Variants in CDH4 observed in about 807,000 individuals in gnomAD.
CDH4 encodes cadherin 4.
In CDH4, 33 loss-of-function variants were observed where a neutral mutation model predicts 86.0. The observed-to-expected ratio is 0.38, with a 90% CI of 0.29 to 0.51. The LOEUF is 0.51. CDH4 is among the 20% of genes least tolerant of loss of function. The probability of loss-of-function intolerance (pLI) is 0.86; values close to 1 mark genes in which losing one functional copy is unlikely to be tolerated. For synonymous variants in CDH4, 555 were observed against 549.4 expected, an observed-to-expected ratio of 1.01 and a Z score of -0.14; for missense variants, 1,114 against 1,307.4, an observed-to-expected ratio of 0.85 and a Z score of 2.28.
chr20:61,936,989 C>A lies in CDH4; in HGVS notation c.*46C>A. On this transcript the variant is annotated 3_prime_UTR_variant, in exon 16 of 16. Transcript: ENST00000614565. ...CGAAGTGAGAGCCGTGCTCGGACGC[C>A]GGAGGAGCAGGACTGAGCAGAGGCG... 1 of 1,508,780 alleles carries A rather than the reference C, an allele frequency of 6.6e-7. No homozygotes were observed. 93.5% of individuals were successfully genotyped at this position (1,508,780 alleles called of 1,614,324 possible).
At chr20:61,512,282 T>C (rs546230586) in intron 2 of CDH4, among the ~76,000 whole-genome samples, 2 of 151,872 alleles carry the variant, frequency 1.3e-5, no homozygotes, top group African/African-American at 4.8e-5. Context: ...GTGATTGGAG[T>C]GTGTATGTGA....
intron 2 of CDH4, among the ~76,000 whole-genome samples, chr20:61,411,588 G>A (rs2085119991): frequency 6.6e-6 from 1 of 152,002 alleles, no homozygotes; most frequent in African/African-American, 2.4e-5. Context: ...GATGCCACCA[G>A]CAGCAACATT....
intron 2 of CDH4, among the ~76,000 whole-genome samples, chr20:61,413,739 ACAGT>A (rs2085132734): frequency 6.6e-6 from 1 of 152,146 alleles, no homozygotes; most frequent in African/African-American, 2.4e-5. Context: ...GTTCTCAAGG[ACAGT>A]CACTTACAAA....
chr20:61,924,608 G>T, intron 11 of CDH4, 132 bp downstream of exon 11: 1 of 961,112 alleles, frequency 1.0e-6, no homozygotes, highest in Non-Finnish European at 1.5e-6. Context: ...CAGAGGGGCT[G>T]AGGGGGCATC....
chr20:61,774,037 C>A (rs1239346867), intron 4 of CDH4, among the ~76,000 whole-genome samples: 2 of 152,146 alleles, frequency 1.3e-5, no homozygotes, highest in East Asian at 1.9e-4. Context: ...CAGGGAGCAG[C>A]CAAAATGACC....
chr20:61,254,068 C>T (rs2084083040), intron 1 of CDH4, among the ~76,000 whole-genome samples: 2 of 152,224 alleles, frequency 1.3e-5, no homozygotes, highest in South Asian at 4.1e-4. Flanking sequence ...TGGCCCTGTG[C>T]CATGGGCTCT....
chr20:61,535,130 A>G (rs2085987006), intron 2 of CDH4, among the ~76,000 whole-genome samples: 1 of 152,214 alleles, frequency 6.6e-6, no homozygotes, highest in Non-Finnish European at 1.5e-5. Flanking sequence ...AGCCCTCACC[A>G]TAGTTGATCT....
intron 2 of CDH4, among the ~76,000 whole-genome samples, chr20:61,448,326 GAC>G (rs2085363287): frequency 6.6e-6 from 1 of 152,204 alleles, no homozygotes; most frequent in Non-Finnish European, 1.5e-5. Flanking sequence ...CACTCTTCCA[GAC>G]CGGAAAGGTA....
chr20:61,661,089 G>GA lies in CDH4; in HGVS notation c.170-82474_170-82473insA, dbSNP rs547673753. On this transcript the variant is annotated intron_variant, in intron 2 of 15. Transcript: ENST00000614565. ...GGCATGGACAGGAGGCATGGCGGGG[G>GA]GGGGGGAGACACAGTGCCAGGCTCA... Among the ~76,000 whole-genome samples, 2 of 140,450 alleles carry GA rather than the reference G, an allele frequency of 1.4e-5. 1 individual carries two copies. Among genetic ancestry groups the GA allele is most frequent in the South Asian group, 4.5e-4 (2 of 4,482 alleles). 92.1% of individuals were successfully genotyped at this position (140,450 alleles called of 152,430 possible).
chr20:61,653,901 T>C (rs1158392641), intron 2 of CDH4, among the ~76,000 whole-genome samples: 3 of 111,290 alleles, frequency 2.7e-5, no homozygotes, highest in Admixed American at 1.8e-4. Flanking sequence ...ACTTCCTAGA[T>C]GGGATGGCGG....
intron 2 of CDH4, among the ~76,000 whole-genome samples, chr20:61,453,567 C>T (rs187191956): frequency 2.0e-5 from 3 of 152,208 alleles, no homozygotes; most frequent in African/African-American, 4.8e-5. Context: ...GTCCAGGGTG[C>T]GCTCAACCCA....
intron 3 of CDH4, among the ~76,000 whole-genome samples, chr20:61,744,660 C>T (rs151008832): frequency 8.5e-5 from 13 of 152,186 alleles, no homozygotes; most frequent in East Asian, 1.9e-4. Context: ...AGCTGCCCTC[C>T]GACTCTGCCT....
intron 2 of CDH4, among the ~76,000 whole-genome samples, chr20:61,486,122 A>G (rs1291917526): frequency 1.3e-5 from 2 of 152,254 alleles, no homozygotes; most frequent in Non-Finnish European, 2.9e-5. Flanking sequence ...AAAAATTCAT[A>G]AAACACACAA....
chr20:61,901,136 AG>A (rs1985378803), intron 8 of CDH4, among the ~76,000 whole-genome samples: 1 of 144,526 alleles, frequency 6.9e-6, no homozygotes. Context: ...AAGCCCAAAA[AG>A]GGGTTTCAGG....
At chr20:61,565,289 A>C (rs147299184) in intron 2 of CDH4, among the ~76,000 whole-genome samples, 2 of 18,608 alleles carry the variant, frequency 1.1e-4, no homozygotes, top group Non-Finnish European at 1.9e-4. Flanking sequence ...TGATGGGGTG[A>C]TGGTGGTGGC....
At chr20:61,379,454 T>C (rs1403221279) in intron 2 of CDH4, among the ~76,000 whole-genome samples, 1 of 152,170 alleles carries the variant, frequency 6.6e-6, no homozygotes, top group African/African-American at 2.4e-5. Context: ...TTCACAGTTA[T>C]TGAAGTTAAT....
intron 2 of CDH4, among the ~76,000 whole-genome samples, chr20:61,479,910 T>G (rs2085559796): frequency 6.6e-6 from 1 of 152,248 alleles, no homozygotes; most frequent in South Asian, 2.1e-4. Context: ...TCCGGCTGTT[T>G]CATTTTAGAT....
chr20:61,927,950 C>G (rs115643672), intron 11 of CDH4, among the ~76,000 whole-genome samples: 3,632 of 152,238 alleles, frequency 0.024, 112 homozygotes, highest in African/African-American at 0.078. Context: ...AGGTGCCGTA[C>G]GCAGTGGTGT....
chr20:61,669,591 A>G (rs1311649469), intron 2 of CDH4, among the ~76,000 whole-genome samples: 1 of 152,202 alleles, frequency 6.6e-6, no homozygotes, highest in Non-Finnish European at 1.5e-5. Context: ...GGGTGGCTCA[A>G]ATCCCATCAG....
Sources: gnomAD v4.1 joint callset for allele counts (sites outside exome capture counted in the v4.1 genomes callset) on GRCh38, gnomAD v4.1.1 for gene constraint, MANE v1.5 for transcripts, NCBI Gene and HGNC (gene_info 2026-07-23, HGNC 2026-07-21) for gene names.